SHCBP1: variants seen among roughly 807,000 people sequenced by gnomAD.
The protein encoded by SHCBP1 is SHC SH2 domain-binding protein 1.
SHCBP1 carries 60 observed loss-of-function variants against 75.1 expected under a neutral mutation model. That is an observed-to-expected ratio of 0.80 (90% CI 0.65 to 0.99). The LOEUF is 0.99. Among genes scored for constraint, SHCBP1 ranks in the 50% least tolerant of loss-of-function variants. The pLI is 0.00. For missense variants in SHCBP1, 709 were observed against 809.4 expected, an observed-to-expected ratio of 0.88 and a Z score of 1.50; for synonymous variants, 290 against 293.2, an observed-to-expected ratio of 0.99 and a Z score of 0.11.
At chr16:46,620,170 G>A (rs1413712529) in intron 1 of SHCBP1, among the ~76,000 whole-genome samples, 1 of 152,192 alleles carries the variant, frequency 6.6e-6, no homozygotes, top group Non-Finnish European at 1.5e-5. Context: ...TTGTGTGTGT[G>A]TGGTGTGAAC....
chr16:46,608,530 G>T (rs1965358593), intron 4 of SHCBP1, 141 bp from the exon 5 acceptor site: 1 of 601,492 alleles, frequency 1.7e-6, no homozygotes, highest in Admixed American at 2.9e-5. Flanking sequence ...TGATAGTCAT[G>T]AGTCACACAA....
chr16:46,596,709 C>T (rs1486993528), intron 9 of SHCBP1, among the ~76,000 whole-genome samples: 1 of 151,498 alleles, frequency 6.6e-6, no homozygotes, highest in Non-Finnish European at 1.5e-5. Flanking sequence ...TAAGCCACTG[C>T]GCCCAGCCTA....
intron 10 of SHCBP1, among the ~76,000 whole-genome samples, chr16:46,594,230 A>G (rs1965098601): frequency 6.6e-6 from 1 of 152,210 alleles, no homozygotes; most frequent in Non-Finnish European, 1.5e-5. Context: ...TCATAAAAGG[A>G]AAAACTGATA....
intron 10 of SHCBP1, among the ~76,000 whole-genome samples, chr16:46,585,026 A>G (rs1964935362): frequency 6.6e-6 from 1 of 152,190 alleles, no homozygotes. Flanking sequence ...AGGATTTTAA[A>G]AATGTGCTAA....
intron 4 of SHCBP1, among the ~76,000 whole-genome samples, chr16:46,612,684 G>C (rs1450902250): frequency 6.6e-6 from 1 of 152,114 alleles, no homozygotes; most frequent in African/African-American, 2.4e-5. Flanking sequence ...TAACTTGTTA[G>C]TCAAGCTGCC....
intron 5 of SHCBP1, among the ~76,000 whole-genome samples, chr16:46,605,744 T>G (rs190678845): frequency 1.3e-5 from 2 of 152,308 alleles, no homozygotes; most frequent in Admixed American, 1.3e-4. Flanking sequence ...TGATGTTGTT[T>G]TTTTTTAATT....
At chr16:46,602,628 C>T (rs188865306) in intron 8 of SHCBP1, among the ~76,000 whole-genome samples, 2 of 152,224 alleles carry the variant, frequency 1.3e-5, no homozygotes, top group South Asian at 2.1e-4. Flanking sequence ...AAGATTATAA[C>T]TGTGAAAAAG....
intron 10 of SHCBP1, among the ~76,000 whole-genome samples, chr16:46,595,050 T>C (rs563323943): frequency 6.6e-6 from 1 of 152,268 alleles, no homozygotes; most frequent in South Asian, 2.1e-4. Flanking sequence ...TAAATAGAAA[T>C]GAAAAACAGC....
chr16:46,617,628 C>T lies in SHCBP1; in HGVS notation c.387+6G>A. ...GACAAAGGTCTAATAACAAAATTAACCTTACCTCAACCAGCACCTTGAACA... is the reference window on the plus strand; with the variant it reads ...GACAAAGGTCTAATAACAAAATTAATCTTACCTCAACCAGCACCTTGAACA... On this transcript the variant is annotated splice_donor_region_variant and intron_variant, in intron 3 of 12. Coordinates refer to ENST00000303383, the MANE Select transcript of SHCBP1 (RefSeq NM_024745.5). 1 of 1,612,328 alleles carries T rather than the reference C, an allele frequency of 6.2e-7. No homozygotes were observed. Among genetic ancestry groups the T allele is most frequent in the South Asian group, 1.1e-5 (1 of 90,906 alleles).
rs749485656 is a variant in SHCBP1 at position 46,583,578 on chromosome 16, A to C, written c.1631T>G (p.Val544Gly). The change falls in exon 12 of 13, where the codon GTT becomes GGT. Residue 544 changes from valine (V) to glycine (G), a missense_variant. Val to Gly is a moderately radical substitution (Grantham distance 109). Coordinates refer to ENST00000303383, the MANE Select transcript of SHCBP1 (RefSeq NM_024745.5). ...GAAGATTGTAGGTTTCACCAAGACA[A>C]CACCATAACCTTCATTATTATGTAT... ...NIIHNNEGYG[V>G]VLVKPTIFSD... is the part of the protein sequence containing the mutation. 7 of 1,611,906 alleles carry C rather than the reference A, an allele frequency of 4.3e-6. No individual in the cohort carries two copies. Among genetic ancestry groups the C allele is most frequent in the Non-Finnish European group, 5.9e-6 (7 of 1,179,472 alleles).
intron 10 of SHCBP1, 164 bp from the exon 11 acceptor site, chr16:46,584,253 T>C: frequency 2.1e-6 from 1 of 480,832 alleles, no homozygotes; most frequent in Non-Finnish European, 3.7e-6. Context: ...AACATTTCCA[T>C]TTGTTCCATT....
At chr16:46,607,842 G>A (rs1256995810) in intron 5 of SHCBP1, among the ~76,000 whole-genome samples, 1 of 152,152 alleles carries the variant, frequency 6.6e-6, no homozygotes, top group Non-Finnish European at 1.5e-5. Flanking sequence ...CAGAAACTTA[G>A]AGTAAAGCCA....
At chr16:46,588,188 A>G (rs990240507) in intron 10 of SHCBP1, among the ~76,000 whole-genome samples, 2 of 152,218 alleles carry the variant, frequency 1.3e-5, no homozygotes, top group African/African-American at 4.8e-5. Context: ...AAGGAAATTT[A>G]TAGCACTAAA....
rs149044906 is a variant in SHCBP1, at chr16:46,582,750, C to A, written c.1694-696G>T. ...TCAGATGAGTCCTGCCCAGCTGACA[C>A]CTTTATTTTACTTTTGTGAGACCTG... is the stretch of plus-strand genomic sequence containing the variant. On this transcript the variant is annotated intron_variant, in intron 12 of 12. Coordinates refer to ENST00000303383, the MANE Select transcript of SHCBP1 (RefSeq NM_024745.5). 5.3e-5 allele frequency among the ~76,000 whole-genome samples: 8 copies of A among 152,316 alleles called. No homozygotes were observed. The East Asian group carries it at 1.5e-3, about 29-fold the overall frequency.
chr16:46,589,354 T>C (rs1339924995), intron 10 of SHCBP1, among the ~76,000 whole-genome samples: 1 of 152,072 alleles, frequency 6.6e-6, no homozygotes, highest in East Asian at 1.9e-4. Context: ...AAATAAAGGG[T>C]ATTGAATTAG....
intron 11 of SHCBP1, 107 bp downstream of exon 11, chr16:46,583,896 T>G (rs1964909522): frequency 9.5e-7 from 1 of 1,052,482 alleles, no homozygotes; most frequent in African/African-American, 1.6e-5. Context: ...TGTACACTGT[T>G]TATGCTTTTC....
rs764408135 is a variant in SHCBP1 at position 46,604,270 on chromosome 16, T to C, written c.881A>G (p.Gln294Arg). ...AATGAGTTTCAGCTTTTGTTTCAAC[T>C]GTTCCATCTCCGAATACAATTTTAA... is the stretch of plus-strand genomic sequence containing the variant. ...EGLKLYSEME[Q>R]LKQKLKLIEN... Residue 294 changes from glutamine (Q) to arginine (R), a missense_variant, in exon 6 of 13, where the codon CAG (glutamine) becomes CGG (arginine). By Grantham distance (43) the Gln-to-Arg change is conservative. Transcript: ENST00000303383. 4.3e-6 allele frequency: 7 copies of C among 1,614,246 alleles called. No individual in the cohort carries two copies. Among genetic ancestry groups the C allele is most frequent in the South Asian group, 3.3e-5 (3 of 91,090 alleles).
intron 4 of SHCBP1, 101 bp from the exon 5 acceptor site, chr16:46,608,490 T>A: frequency 1.4e-6 from 1 of 724,966 alleles, no homozygotes; most frequent in Non-Finnish European, 2.4e-6. Context: ...AATTCTCATA[T>A]CTTAGAGAAT....
At position 46,621,109 on chromosome 16, in the gene SHCBP1, C is replaced by T. The variant is rs923969818; in HGVS notation, c.103+148G>A. 4.6e-6 allele frequency: 3 copies of T among 647,314 alleles called. No individual in the cohort carries two copies. In the East Asian group the frequency reaches 9.4e-5, roughly 20 times the overall value. The allele number at this position is 647,314 out of a possible 1,614,324, so 40.1% of individuals were successfully genotyped here. A position where few individuals can be genotyped will look rare whatever the true frequency, so the allele number is the denominator to read the frequency against. On this transcript the variant is annotated intron_variant, in intron 1 of 12. Coordinates refer to ENST00000303383, the MANE Select transcript of SHCBP1 (RefSeq NM_024745.5). ...TGGGTACCGCCCGACTTTGAGGTCC[C>T]GTCACTGGGTCCCGGCCGCGCACCG...
Sources: allele counts gnomAD v4.1 joint callset (sites outside exome capture counted in the v4.1 genomes callset), GRCh38; gene constraint gnomAD v4.1.1; transcripts MANE v1.5; gene names NCBI Gene and HGNC (gene_info 2026-07-23, HGNC 2026-07-21).